GGT5: variants seen among roughly 807,000 people sequenced by gnomAD.
GGT5 encodes glutathione hydrolase 5 proenzyme.
In GGT5, 50 loss-of-function variants were observed where a neutral mutation model predicts 58.1. The ratio of observed to expected loss-of-function variants is 0.86; its 90% CI spans 0.69 to 1.09. GGT5 has a LOEUF of 1.09. Ranked by LOEUF, GGT5 falls within the 50% of genes least tolerant of loss-of-function variation. GGT5 has a pLI of 0.00. For missense variants in GGT5, 800 were observed against 789.4 expected (o/e 1.01, Z -0.16); for synonymous variants, 370 against 346.1 (o/e 1.07, Z -0.77).
Position 24,231,424 on chromosome 22 carries a change from T to A in GGT5, c.861A>T (p.Ala287=). ...GGATAAAGCTGAGAATGGCACCCCCTGCAGGCGGCGGTGGTGAGTACAGGG... is the reference window on the plus strand; with the variant it reads ...GGATAAAGCTGAGAATGGCACCCCCAGCAGGCGGCGGTGGTGAGTACAGGG... ...DYTLYSPPPP[A]GGAILSFILN... is the part of the protein sequence containing the mutation. The change falls in exon 6 of 12, where the codon GCA becomes GCT. Residue 287 remains alanine (A), a synonymous_variant. Coordinates refer to ENST00000327365, the MANE Select transcript of GGT5 (RefSeq NM_004121.5). The A allele has an allele frequency of 6.4e-7, 1 of 1,557,150 alleles. No homozygotes were observed. Among genetic ancestry groups the A allele is most frequent in the Non-Finnish European group, 8.7e-7 (1 of 1,150,250 alleles).
intron 1 of GGT5, among the ~76,000 whole-genome samples, chr22:24,239,442 A>AAAAT (rs4049959): frequency 6.6e-6 from 1 of 152,176 alleles, no homozygotes; most frequent in Non-Finnish European, 1.5e-5. Context: ...TGTGGGGCTT[A>AAAAT]AAATAAAACA....
Position 24,234,018 on chromosome 22 carries a change from C to G in GGT5, c.174-14G>C. ...TGGAGGATGGCTCTAGGGGACATGG[C>G]ACAGAGTCGCTGTGGGGCTCCCCTC... On this transcript the variant is annotated splice_polypyrimidine_tract_variant and intron_variant, in intron 1 of 11. Transcript: ENST00000327365. 6.3e-7 allele frequency: 1 copy of G among 1,593,330 alleles called. No homozygotes were observed.
Position 24,225,000 on chromosome 22 carries a change from C to G in GGT5, c.1610G>C (p.Ser537Thr). ...KGCVEYEPNFSQEVQRGLQDR... is the reference protein window; with the variant it reads ...KGCVEYEPNFTQEVQRGLQDR... ...CAGCTCGGACCTCAGCCTCACCTGGCTGAAGTTGGGCTCGTACTCCACACA... is the reference window on the plus strand; with the variant it reads ...CAGCTCGGACCTCAGCCTCACCTGGGTGAAGTTGGGCTCGTACTCCACACA... Residue 537 changes from serine to threonine, a missense_variant, in exon 11 of 12, where the codon AGC becomes ACC. Ser to Thr is a moderately conservative substitution (Grantham distance 58). Coordinates refer to ENST00000327365, the MANE Select transcript of GGT5 (RefSeq NM_004121.5). 3 of 1,584,826 alleles carry G rather than the reference C, an allele frequency of 1.9e-6. No homozygotes were observed. In the South Asian group the frequency reaches 3.4e-5, roughly 18 times the overall value.
Position 24,232,966 on chromosome 22 carries a change from G to A in GGT5, c.453C>T (p.His151=), listed in dbSNP as rs2047992353. The part of the protein sequence containing the change: ...PGELRGYAEA[H]RRHGRLPWAQ... The stretch of plus-strand genomic sequence containing the variant: ...CCCAGGGCAGGCGGCCATGGCGGCG[G>A]TGGGCCTCGGCATAGCCACGGAGCT... The change falls in exon 4 of 12, where the codon CAC becomes CAT. Residue 151 remains histidine (H), a synonymous_variant. Coordinates refer to ENST00000327365, the MANE Select transcript of GGT5 (RefSeq NM_004121.5). 1 of 1,563,112 alleles carries A rather than the reference G, an allele frequency of 6.4e-7. No individual in the cohort carries two copies. The highest frequency in any genetic ancestry group is 1.9e-5 in the Admixed American group (1 of 53,322).
Position 24,220,050 on chromosome 22 carries a change from C to T in GGT5, c.1681G>A (p.Val561Ile). The T allele has an allele frequency of 2.5e-6, 4 of 1,614,126 alleles. No individual in the cohort carries two copies. The highest frequency in any genetic ancestry group is 1.3e-5 in the African/African-American group (1 of 75,038). ...QTQRPFFLNVVQAVSQEGACV... is the reference protein window; with the variant it reads ...QTQRPFFLNVIQAVSQEGACV... ...GCCCCCTCCTGGGACACAGCCTGGA[C>T]CACGTTCAGGAAGAAGGGCCTCTGG... Residue 561 changes from valine to isoleucine, a missense_variant, in exon 12 of 12, where the codon GTC (valine) becomes ATC (isoleucine). Transcript: ENST00000327365.
At position 24,219,699 on chromosome 22, in the gene GGT5, G is replaced by A. The variant is rs2047533142; in HGVS notation, c.*271C>T. The stretch of plus-strand genomic sequence containing the variant: ...TTAATCTTGGACTGGAGGATATACA[G>A]ATCGAGAGGGTGGGAGAGTGGCCCC... On this transcript the variant is annotated 3_prime_UTR_variant, in exon 12 of 12. Transcript: ENST00000327365. 2.1e-6 allele frequency: 1 copy of A among 469,690 alleles called. No homozygotes were observed. The highest frequency in any genetic ancestry group is 1.9e-5 in the African/African-American group (1 of 51,298). The allele number at this position is 469,690 out of a possible 1,614,324, so 29.1% of individuals were successfully genotyped here. A position where few individuals can be genotyped will look rare whatever the true frequency, so the allele number is the denominator to read the frequency against.
Position 24,244,439 on chromosome 22 carries a change from C to A in GGT5, c.173+114G>T, listed in dbSNP as rs188885461. 3.9e-4 allele frequency: 340 copies of A among 881,150 alleles called. 3 individuals are homozygous for A. In the East Asian group the frequency reaches 7.5e-3, roughly 20 times the overall value. The allele number at this position is 881,150 out of a possible 1,614,324, so 54.6% of individuals were successfully genotyped here. A position where few individuals can be genotyped will look rare whatever the true frequency, so the allele number is the denominator to read the frequency against. On this transcript the variant is annotated intron_variant, in intron 1 of 11. Coordinates refer to ENST00000327365, the MANE Select transcript of GGT5 (RefSeq NM_004121.5). ...ATGCATGCAATCACACATACCCAGACACTCACACACACACCCACACATACA... is the reference window on the plus strand; with the variant it reads ...ATGCATGCAATCACACATACCCAGAAACTCACACACACACCCACACATACA...
chr22:24,232,093 C>A lies in GGT5; in HGVS notation c.712G>T (p.Gly238Trp), dbSNP rs1218880099. ...TCCACCAGCATCTGGCCCAGCCTCC[C>A]CGTGTAGAAGACCTCCACGCCCTCT... ...ATEGVEVFYT[G>W]RLGQMLVEDI... The change falls in exon 5 of 12, where the codon GGG becomes TGG. Residue 238 changes from glycine to tryptophan, a missense_variant. By Grantham distance (184) the Gly-to-Trp change is radical. Coordinates refer to ENST00000327365, the MANE Select transcript of GGT5 (RefSeq NM_004121.5). 1 of 1,613,082 alleles carries A rather than the reference C, an allele frequency of 6.2e-7. No individual in the cohort carries two copies. Among genetic ancestry groups the A allele is most frequent in the East Asian group, 2.2e-5 (1 of 44,862 alleles).
At position 24,226,032 on chromosome 22, in the gene GGT5, A is replaced by G. The variant is rs1400334724; in HGVS notation, c.1229+44T>C. 7.3e-6 allele frequency: 10 copies of G among 1,371,164 alleles called. No individual in the cohort carries two copies. In the South Asian group the frequency reaches 1.1e-4, roughly 15 times the overall value. The allele number at this position is 1,371,164 out of a possible 1,614,324, so 84.9% of individuals were successfully genotyped here. On this transcript the variant is annotated intron_variant, in intron 8 of 11. Coordinates refer to ENST00000327365, the MANE Select transcript of GGT5 (RefSeq NM_004121.5). The stretch of plus-strand genomic sequence containing the variant: ...GGGGCTGGGGGTGTGCAGGTCTAGG[A>G]GAGGAGGAGTGAAGCCATCCGCCTT...
chr22:24,234,124 C>G (rs1163334960), intron 1 of GGT5, 120 bp from the exon 2 acceptor site: 1 of 940,640 alleles, frequency 1.1e-6, no homozygotes, highest in Non-Finnish European at 1.6e-6. Flanking sequence ...TGCCACCAAA[C>G]CGCAGATTAG....
chr22:24,236,568 C>T (rs1014193196), intron 1 of GGT5, among the ~76,000 whole-genome samples: 2 of 152,004 alleles, frequency 1.3e-5, no homozygotes, highest in Non-Finnish European at 1.5e-5. Context: ...TTGAGACCAT[C>T]CTGGCTAACA....
chr22:24,223,754 C>CTTTTTTTT (rs898258352), intron 11 of GGT5, among the ~76,000 whole-genome samples: 5 of 79,484 alleles, frequency 6.3e-5, no homozygotes, highest in East Asian at 3.6e-4. Context: ...TGCTATCAAT[C>CTTTTTTTT]TTTTTTTTTT....
Position 24,232,176 on chromosome 22 carries a change from C to T in GGT5, c.629G>A (p.Arg210Lys). Residue 210 changes from arginine (R) to lysine (K), a missense_variant, in exon 5 of 12, where the codon AGG (arginine) becomes AAG (lysine). Transcript: ENST00000327365. ...QLFFNGTEPLRPQDPLPWPAL... is the reference protein window; with the variant it reads ...QLFFNGTEPLKPQDPLPWPAL... ...AGGCCATGGGAGTGGGTCCTGAGGC[C>T]TCAGGGGTTCTGTCCCGTTGAAGAA... 1 of 1,557,958 alleles carries T rather than the reference C, an allele frequency of 6.4e-7. No homozygotes were observed. Among genetic ancestry groups the T allele is most frequent in the Non-Finnish European group, 8.7e-7 (1 of 1,148,296 alleles).
chr22:24,237,047 G>A (rs552535925), intron 1 of GGT5, among the ~76,000 whole-genome samples: 1 of 149,556 alleles, frequency 6.7e-6, no homozygotes, highest in Admixed American at 6.7e-5. Context: ...TCTGAGACAG[G>A]GTCACCATTA....
intron 1 of GGT5, among the ~76,000 whole-genome samples, chr22:24,234,799 A>G (rs952573731): frequency 6.6e-6 from 1 of 152,150 alleles, no homozygotes; most frequent in Non-Finnish European, 1.5e-5. Flanking sequence ...CAGCCTGGGC[A>G]ACAAAGCAAG....
intron 1 of GGT5, among the ~76,000 whole-genome samples, chr22:24,239,506 G>A (rs1187778002): frequency 6.6e-6 from 1 of 152,140 alleles, no homozygotes; most frequent in African/African-American, 2.4e-5. Flanking sequence ...CTGAAATAAT[G>A]TAGGGTAGAG....
At chr22:24,220,756 G>A (rs1242485908) in intron 11 of GGT5, 2 of 446,414 alleles carry the variant, frequency 4.5e-6, no homozygotes, top group Admixed American at 2.4e-5. Context: ...ATTGGGCTGG[G>A]CGTGGTGGCT....
At chr22:24,238,791 ATATTT>A (rs2048187684) in intron 1 of GGT5, among the ~76,000 whole-genome samples, 1 of 11,436 alleles carries the variant, frequency 8.7e-5, no homozygotes, top group Non-Finnish European at 1.3e-4. Context: ...TATATATTAT[ATATTT>A]ATATATATAT....
At chr22:24,226,410 G>T (rs935829379) in intron 7 of GGT5, 144 bp from the exon 8 acceptor site, 5 of 771,108 alleles carry the variant, frequency 6.5e-6, no homozygotes, top group Non-Finnish European at 1.0e-5. Flanking sequence ...GCCCAGCTAG[G>T]TCTAGACTCT....
Sources: allele counts gnomAD v4.1 joint callset (sites outside exome capture counted in the v4.1 genomes callset), GRCh38; gene constraint gnomAD v4.1.1; transcripts MANE v1.5; gene names NCBI Gene and HGNC (gene_info 2026-07-23, HGNC 2026-07-21).